The following RALGPS1 variants were observed in gnomAD, a reference collection of about 807,000 sequenced individuals.
RALGPS1 encodes ras-specific guanine nucleotide-releasing factor RalGPS1.
RALGPS1 carries 19 observed loss-of-function variants against 78.8 expected under a neutral mutation model. That is an observed-to-expected ratio of 0.24 (90% confidence interval 0.17 to 0.35). The LOEUF is 0.35. Ranked by LOEUF, RALGPS1 falls within the 10% of genes least tolerant of loss-of-function variation. The pLI is 1.00. For synonymous variants in RALGPS1, 228 were observed against 256.3 expected (o/e 0.89, Z 1.06); for missense variants, 454 against 688.3 (o/e 0.66, Z 3.81).
intron 1 of RALGPS1, among the ~76,000 whole-genome samples, chr9:126,957,065 T>C (rs2038414076): frequency 1.3e-5 from 2 of 152,356 alleles, no homozygotes; most frequent in South Asian, 4.1e-4. Context: ...CTGTAGTCTT[T>C]ACCTCATGGG....
rs189119827 is a variant in RALGPS1, at chr9:127,122,826, G to A, written c.611-43243G>A. The A allele has an allele frequency of 0.021, 3,235 of 152,412 alleles. 155 individuals carry two copies. Among genetic ancestry groups the A allele is most frequent in the Non-Finnish European group, 0.022 (1,513 of 68,156 alleles). The allele number at this position is 152,412 out of a possible 1,614,324, so 9.4% of individuals were successfully genotyped here. A position where few individuals can be genotyped will look rare whatever the true frequency, so the allele number is the denominator to read the frequency against. ...CGCCCGGTGATGTCACACGAGCTCC[G>A]GCCCCAGCTGGCCTGGCCCCTCCCG... On this transcript the variant is annotated intron_variant, in intron 8 of 18. Transcript: ENST00000259351. The surrounding 1 kb of genome is among the most constrained non-coding windows in gnomAD (Gnocchi z 6.4).
chr9:127,022,517 G>GAAA (rs550503351), intron 4 of RALGPS1, among the ~76,000 whole-genome samples: 1 of 141,838 alleles, frequency 7.1e-6, no homozygotes, highest in Non-Finnish European at 1.5e-5. Flanking sequence ...ATCCCATGCA[G>GAAA]AAAAAAAAAA....
intron 14 of RALGPS1, among the ~76,000 whole-genome samples, chr9:127,207,206 C>T (rs779704753): frequency 2.6e-5 from 4 of 152,104 alleles, no homozygotes; most frequent in East Asian, 3.9e-4. Flanking sequence ...TCATTATCAT[C>T]ATCCCATGAC....
At chr9:127,147,373 T>C (rs2058152969) in intron 8 of RALGPS1, among the ~76,000 whole-genome samples, 1 of 152,244 alleles carries the variant, frequency 6.6e-6, no homozygotes, top group Admixed American at 6.5e-5. Context: ...AGAAGCTCTT[T>C]AGTTTAATTA....
Position 127,219,696 on chromosome 9 carries a change from C to T in RALGPS1, c.*927C>T, listed in dbSNP as rs778016936. 1 of 152,634 alleles carries T rather than the reference C, an allele frequency of 6.6e-6. No homozygotes were observed. Among genetic ancestry groups the T allele is most frequent in the African/African-American group, 2.4e-5 (1 of 41,464 alleles). 9.5% of individuals were successfully genotyped at this position (152,634 alleles called of 1,614,324 possible). A position where few individuals can be genotyped will look rare whatever the true frequency, so the allele number is the denominator to read the frequency against. On this transcript the variant is annotated 3_prime_UTR_variant, in exon 19 of 19. Transcript: ENST00000259351. The surrounding 1 kb of genome is among the most constrained non-coding windows in gnomAD (Gnocchi z 5.0). ...GAAGTTGTGACGTTGCAGCTCCAAC[C>T]GACGTGCTCATAGTGATCAGCTGTG... is the stretch of plus-strand genomic sequence containing the variant.
chr9:126,918,912 C>G (rs973689110), intron 1 of RALGPS1, among the ~76,000 whole-genome samples: 1 of 151,662 alleles, frequency 6.6e-6, no homozygotes, highest in Admixed American at 6.6e-5. Context: ...TCAGGTGATC[C>G]GCCTGCCTCG....
chr9:126,916,617 C>T (rs187038729), intron 1 of RALGPS1, among the ~76,000 whole-genome samples: 1 of 152,266 alleles, frequency 6.6e-6, no homozygotes, highest in East Asian at 1.9e-4. Flanking sequence ...CCCCTCTCTA[C>T]TAAAAAATAC....
chr9:127,133,061 G>A (rs1272183904), intron 8 of RALGPS1, among the ~76,000 whole-genome samples: 1 of 152,250 alleles, frequency 6.6e-6, no homozygotes, highest in African/African-American at 2.4e-5. Flanking sequence ...GAGTTCTCGT[G>A]ACCATTGAGG....
chr9:127,004,239 A>G (rs1281396318), intron 4 of RALGPS1, among the ~76,000 whole-genome samples: 3 of 152,070 alleles, frequency 2.0e-5, no homozygotes, highest in Non-Finnish European at 4.4e-5. Flanking sequence ...TTTGCCTCTC[A>G]GATTCAAGTG....
intron 8 of RALGPS1, among the ~76,000 whole-genome samples, chr9:127,081,163 C>G (rs1564539697): frequency 1.3e-5 from 2 of 152,192 alleles, no homozygotes; most frequent in African/African-American, 4.8e-5. Context: ...ATTTTTTCCA[C>G]TCTTACCAAC....
At chr9:127,035,526 G>A (rs535374990) in intron 5 of RALGPS1, among the ~76,000 whole-genome samples, 2 of 152,276 alleles carry the variant, frequency 1.3e-5, no homozygotes, top group Admixed American at 6.5e-5. Context: ...TAGAGGTTGC[G>A]TAGTATGTAT....
At chr9:126,950,400 T>C (rs1002964121) in intron 1 of RALGPS1, among the ~76,000 whole-genome samples, 1 of 152,212 alleles carries the variant, frequency 6.6e-6, no homozygotes, top group Admixed American at 6.5e-5. Context: ...TAAATCACCT[T>C]GGGCAGTATG....
chr9:127,124,795 A>G (rs758379571), intron 8 of RALGPS1, among the ~76,000 whole-genome samples: 1 of 152,222 alleles, frequency 6.6e-6, no homozygotes, highest in Non-Finnish European at 1.5e-5. Context: ...TATTTTTTAA[A>G]GGCTACATTA....
intron 8 of RALGPS1, among the ~76,000 whole-genome samples, chr9:127,144,205 A>C (rs1345575208): frequency 6.6e-6 from 1 of 152,152 alleles, no homozygotes; most frequent in Non-Finnish European, 1.5e-5. Context: ...GTCCCCCTCT[A>C]ACAGTGCTTT....
chr9:126,917,396 A>G (rs560438573), intron 1 of RALGPS1, among the ~76,000 whole-genome samples: 1 of 152,306 alleles, frequency 6.6e-6, no homozygotes, highest in East Asian at 1.9e-4. Flanking sequence ...GGTGGAGAGA[A>G]ATACTTCATT....
At chr9:126,969,685 T>A (rs1005439688) in intron 3 of RALGPS1, among the ~76,000 whole-genome samples, 1 of 152,226 alleles carries the variant, frequency 6.6e-6, no homozygotes, top group Admixed American at 6.5e-5. Flanking sequence ...TTCTAGCTGT[T>A]TACCCTGTGG....
At chr9:127,096,084 C>T (rs1407729707) in intron 8 of RALGPS1, among the ~76,000 whole-genome samples, 1 of 152,218 alleles carries the variant, frequency 6.6e-6, no homozygotes, top group African/African-American at 2.4e-5. Context: ...ATGCTCCCCA[C>T]CCCAGGGTAG....
chr9:127,187,701 G>A lies in RALGPS1; in HGVS notation c.911-7390G>A, dbSNP rs371874753. 3.8e-4 allele frequency among the ~76,000 whole-genome samples: 58 copies of A among 152,284 alleles called. No individual in the cohort carries two copies. The East Asian group carries it at 0.01, about 26-fold the overall frequency. On this transcript the variant is annotated intron_variant, in intron 11 of 18. Transcript: ENST00000259351. ...TCAGGCAGTGAGACTGTAATCCCTCGCGCATGGCTGCTGATAAACAAGGCA... is the reference window on the plus strand; with the variant it reads ...TCAGGCAGTGAGACTGTAATCCCTCACGCATGGCTGCTGATAAACAAGGCA...
intron 8 of RALGPS1, among the ~76,000 whole-genome samples, chr9:127,163,748 TA>T (rs746070673): frequency 2.0e-4 from 31 of 152,344 alleles, no homozygotes; most frequent in Non-Finnish European, 4.1e-4. Flanking sequence ...AATAGCTTGT[TA>T]GAAGGATAAA....
Sources: allele counts gnomAD v4.1 joint callset (sites outside exome capture counted in the v4.1 genomes callset), GRCh38; gene constraint gnomAD v4.1.1; non-coding constraint Gnocchi (gnomAD v3.1); transcripts MANE v1.5; gene names NCBI Gene and HGNC (gene_info 2026-07-23, HGNC 2026-07-21).